The following VTI1A variants were observed in gnomAD, a reference collection of about 807,000 sequenced individuals.
The protein encoded by VTI1A is vesicle transport through interaction with t-SNAREs homolog 1A.
Under a neutral mutation model 34.9 loss-of-function variants are expected in VTI1A, and 22 were observed. That is an observed-to-expected ratio of 0.63 (90% CI 0.45 to 0.90). The LOEUF is 0.90. VTI1A is among the 40% of genes least tolerant of loss of function. The probability of loss-of-function intolerance (pLI) is 0.00; values close to 1 mark genes in which losing one functional copy is unlikely to be tolerated. For missense variants in VTI1A, 268 were observed against 275.6 expected (o/e 0.97, Z 0.20); for synonymous variants, 87 against 97.3 (o/e 0.89, Z 0.62).
intron 5 of VTI1A, among the ~76,000 whole-genome samples, chr10:112,587,269 C>T (rs1354335215): frequency 6.6e-6 from 1 of 152,098 alleles, no homozygotes; most frequent in South Asian, 2.1e-4. Flanking sequence ...AGATTCATTT[C>T]ACAAATTTAA....
chr10:112,709,795 A>G (rs1171036426), intron 7 of VTI1A, among the ~76,000 whole-genome samples: 1 of 146,076 alleles, frequency 6.8e-6, no homozygotes, highest in Non-Finnish European at 1.5e-5. Context: ...GGTTCAAGCA[A>G]TTCTTGTGCC....
At chr10:112,545,923 A>ATGTGTT (rs1197555454) in intron 5 of VTI1A, among the ~76,000 whole-genome samples, 1 of 150,702 alleles carries the variant, frequency 6.6e-6, no homozygotes, top group Non-Finnish European at 1.5e-5. Flanking sequence ...GTGTGTGTGC[A>ATGTGTT]TGTGTTTGTG....
In VTI1A at chr10:112,634,514, T is replaced by TACACAC. The variant is rs10545562; in HGVS notation, c.428-33675_428-33670dup. On this transcript the variant is annotated intron_variant, in intron 5 of 7. Coordinates refer to ENST00000393077, the MANE Select transcript of VTI1A (RefSeq NM_145206.4). ...ACACACACACAGACACACACACACA[T>TACACAC]ACACACACACACACACACACACACA... Among the ~76,000 whole-genome samples the TACACAC allele has an allele frequency of 1.5e-4, 21 of 144,324 alleles. No individual in the cohort carries two copies. In the South Asian group the frequency reaches 2.1e-3, roughly 15 times the overall value. 94.7% of individuals were successfully genotyped at this position (144,324 alleles called of 152,430 possible). A position where few individuals can be genotyped will look rare whatever the true frequency, so the allele number is the denominator to read the frequency against.
intron 7 of VTI1A, among the ~76,000 whole-genome samples, chr10:112,694,748 C>T (rs992040608): frequency 1.4e-4 from 22 of 152,080 alleles, no homozygotes; most frequent in African/African-American, 4.8e-4. Flanking sequence ...GCGGGCAGAT[C>T]ACCTGAAGTC....
At chr10:112,777,490 A>G (rs1231670897) in intron 7 of VTI1A, among the ~76,000 whole-genome samples, 1 of 152,248 alleles carries the variant, frequency 6.6e-6, no homozygotes, top group Non-Finnish European at 1.5e-5. Flanking sequence ...TGAGTCTGAC[A>G]TAGAGCACTG....
chr10:112,795,118 A>G (rs192157700), intron 7 of VTI1A, among the ~76,000 whole-genome samples: 3 of 152,368 alleles, frequency 2.0e-5, no homozygotes, highest in African/African-American at 7.2e-5. Context: ...GTTTGGAACT[A>G]CAGCTAGAAA....
At chr10:112,705,445 C>T (rs1325651937) in intron 7 of VTI1A, among the ~76,000 whole-genome samples, 2 of 152,104 alleles carry the variant, frequency 1.3e-5, no homozygotes, top group African/African-American at 2.4e-5. Flanking sequence ...AGCTTCTATA[C>T]TGACTCCATT....
chr10:112,765,355 G>A (rs986791584), intron 7 of VTI1A, among the ~76,000 whole-genome samples: 7 of 151,938 alleles, frequency 4.6e-5, no homozygotes, highest in Non-Finnish European at 7.4e-5. Context: ...GATTACAGGC[G>A]CCCGCCACCA....
chr10:112,788,153 T>C (rs1852351314), intron 7 of VTI1A, among the ~76,000 whole-genome samples: 1 of 152,088 alleles, frequency 6.6e-6, no homozygotes, highest in African/African-American at 2.4e-5. Context: ...GTATGTTCTA[T>C]AAATGTTGAT....
rs1024713048 is a variant in VTI1A, at chr10:112,485,174, C to T, written c.264+20517C>T. Reference sequence around the variant, plus strand: ...GGCAGGCATCTAATCCCAGCTACTTCGGAAGGCAGAGGCAGGAGAATTGCA... The same window carrying T: ...GGCAGGCATCTAATCCCAGCTACTTTGGAAGGCAGAGGCAGGAGAATTGCA... On this transcript the variant is annotated intron_variant, in intron 3 of 7. Transcript: ENST00000393077. 4 of 151,904 alleles carry T rather than the reference C, an allele frequency of 2.6e-5. No individual in the cohort carries two copies. The South Asian group carries it at 6.3e-4, about 24-fold the overall frequency. The allele number at this position is 151,904 out of a possible 1,614,324, so 9.4% of individuals were successfully genotyped here.
chr10:112,636,104 C>T (rs541196539), intron 5 of VTI1A, among the ~76,000 whole-genome samples: 45 of 152,198 alleles, frequency 3.0e-4, no homozygotes, highest in African/African-American at 1.0e-3. Flanking sequence ...GAGAGAGATC[C>T]GAGGGTTGGG....
At chr10:112,461,926 G>C (rs1847741461) in intron 2 of VTI1A, among the ~76,000 whole-genome samples, 1 of 152,202 alleles carries the variant, frequency 6.6e-6, no homozygotes, top group Admixed American at 6.5e-5. Flanking sequence ...ATGTTAGCCA[G>C]GCTGGTCTTG....
At chr10:112,572,802 A>C (rs142983821) in intron 5 of VTI1A, among the ~76,000 whole-genome samples, 1 of 150,376 alleles carries the variant, frequency 6.6e-6, no homozygotes, top group Admixed American at 6.7e-5. Context: ...TCGCGCCACT[A>C]CACTCCAGAC....
chr10:112,685,588 A>G (rs1848374507), intron 7 of VTI1A, among the ~76,000 whole-genome samples: 1 of 152,162 alleles, frequency 6.6e-6, no homozygotes, highest in African/African-American at 2.4e-5. Flanking sequence ...AGTATTTTCA[A>G]AAACATTTTT....
At chr10:112,538,160 C>T (rs1850718263) in intron 4 of VTI1A, 86 bp from the exon 5 acceptor site, 1 of 1,173,938 alleles carries the variant, frequency 8.5e-7, no homozygotes, top group South Asian at 1.3e-5. Flanking sequence ...CATGTTAGGG[C>T]ATACGAAGGC....
At chr10:112,491,738 T>A (rs1038623753) in intron 3 of VTI1A, among the ~76,000 whole-genome samples, 1 of 152,226 alleles carries the variant, frequency 6.6e-6, no homozygotes, top group Non-Finnish European at 1.5e-5. Context: ...AGATTTCAGT[T>A]CTGACTATCC....
chr10:112,514,586 C>T (rs950814906), intron 3 of VTI1A, among the ~76,000 whole-genome samples: 1 of 151,852 alleles, frequency 6.6e-6, no homozygotes, highest in South Asian at 2.1e-4. Context: ...TGAACTGTAA[C>T]AGTAGATGGT....
At chr10:112,820,692 G>A (rs908465792), downstream of VTI1A, among the ~76,000 whole-genome samples, 1 of 152,248 alleles carries the variant, frequency 6.6e-6, no homozygotes, top group African/African-American at 2.4e-5. Flanking sequence ...CTGAGCCAGG[G>A]TTAGTGTCCT....
chr10:112,562,742 G>A (rs923497237), intron 5 of VTI1A, among the ~76,000 whole-genome samples: 2 of 151,964 alleles, frequency 1.3e-5, no homozygotes, highest in African/African-American at 2.4e-5. Context: ...GAAAAGGGGG[G>A]AAAATCTGTT....
Sources: gnomAD v4.1 joint callset for allele counts (sites outside exome capture counted in the v4.1 genomes callset) on GRCh38, gnomAD v4.1.1 for gene constraint, MANE v1.5 for transcripts, NCBI Gene and HGNC (gene_info 2026-07-23, HGNC 2026-07-21) for gene names.